The following STARD13 variants were observed in gnomAD, a reference collection of about 807,000 sequenced individuals.
STARD13 encodes StAR related lipid transfer domain containing 13.
In STARD13, 62 loss-of-function variants were observed where a neutral mutation model predicts 106.4. The ratio of observed to expected loss-of-function variants is 0.58; its 90% CI spans 0.48 to 0.72. The LOEUF is 0.72. STARD13 is among the 30% of genes least tolerant of loss of function. STARD13 has a pLI of 0.00. For synonymous variants in STARD13, 565 were observed against 553.0 expected, an observed-to-expected ratio of 1.02 and a Z score of -0.31; for missense variants, 1,387 against 1,424.0, an observed-to-expected ratio of 0.97 and a Z score of 0.42.
At chr13:33,284,810 A>C (rs950097897) in intron 1 of STARD13, among the ~76,000 whole-genome samples, 9 of 152,144 alleles carry the variant, frequency 5.9e-5, no homozygotes, top group Admixed American at 3.3e-4. Context: ...AATAAAAAGA[A>C]TATCAAGCAG....
the STARD13 span, among the ~76,000 whole-genome samples, chr13:33,610,149 A>T: frequency 6.6e-6 from 1 of 152,272 alleles, no homozygotes; most frequent in Non-Finnish European, 1.5e-5. Context: ...TATCATTTAC[A>T]TAAATTTAAA....
chr13:33,349,691 A>T (rs951498937), intron 1 of STARD13, among the ~76,000 whole-genome samples: 1 of 152,188 alleles, frequency 6.6e-6, no homozygotes, highest in African/African-American at 2.4e-5. Flanking sequence ...CCTCAAAGGG[A>T]GGAAAGCCTG....
At chr13:33,165,718 A>G (rs1425084058) in intron 2 of STARD13, among the ~76,000 whole-genome samples, 4 of 152,206 alleles carry the variant, frequency 2.6e-5, no homozygotes, top group African/African-American at 4.8e-5. Context: ...GGCCTCAGAG[A>G]AGAGCTTTTG....
At position 33,228,073 on chromosome 13, in the gene STARD13, G is replaced by A. The variant is rs531386891; in HGVS notation, c.169+57397C>T. 3.3e-5 allele frequency among the ~76,000 whole-genome samples: 5 copies of A among 152,324 alleles called. No homozygotes were observed. The South Asian group carries it at 8.3e-4, about 25-fold the overall frequency. ...AAGAACATTTGACTTGGATTTGTAA[G>A]GACATGAAGAATTTTGCCAGGTGGG... On this transcript the variant is annotated intron_variant, in intron 1 of 13. Coordinates refer to ENST00000336934, the MANE Select transcript of STARD13 (RefSeq NM_178006.4).
the STARD13 span, among the ~76,000 whole-genome samples, chr13:33,575,950 T>G: frequency 2.0e-5 from 3 of 152,156 alleles, no homozygotes; most frequent in African/African-American, 7.2e-5. Context: ...TTATATGTAA[T>G]GTATACAAGC....
chr13:33,267,383 A>G (rs1890947598), intron 1 of STARD13, among the ~76,000 whole-genome samples: 1 of 152,098 alleles, frequency 6.6e-6, no homozygotes, highest in South Asian at 2.1e-4. Context: ...AAACCTTAAA[A>G]CAACAACAAC....
intron 1 of STARD13, among the ~76,000 whole-genome samples, chr13:33,322,875 A>T (rs1425789650): frequency 1.3e-5 from 2 of 152,202 alleles, no homozygotes; most frequent in African/African-American, 2.4e-5. Context: ...GTCCCTGTGG[A>T]TGTTGAATTA....
chr13:33,338,681 G>A (rs150417944), intron 1 of STARD13, among the ~76,000 whole-genome samples: 1 of 151,962 alleles, frequency 6.6e-6, no homozygotes, highest in East Asian at 1.9e-4. Flanking sequence ...ATAGGAGATC[G>A]AGACCATCCT....
At chr13:33,222,858 G>A (rs947352515) in intron 1 of STARD13, among the ~76,000 whole-genome samples, 2 of 152,224 alleles carry the variant, frequency 1.3e-5, no homozygotes, top group East Asian at 3.8e-4. Flanking sequence ...GAGAACAGAA[G>A]AAACATGTCC....
chr13:33,137,579 C>G (rs896726853), intron 4 of STARD13, among the ~76,000 whole-genome samples: 1 of 152,102 alleles, frequency 6.6e-6, no homozygotes, highest in Admixed American at 6.5e-5. Context: ...ATATGGAAGG[C>G]CTTTCTAGTC....
At chr13:33,394,506 T>G in the STARD13 span, among the ~76,000 whole-genome samples, 1 of 152,198 alleles carries the variant, frequency 6.6e-6, no homozygotes, top group East Asian at 1.9e-4. Flanking sequence ...CATGAAATCA[T>G]GATCCTCTCT....
chr13:33,386,757 G>C, the STARD13 span, among the ~76,000 whole-genome samples: 7 of 151,964 alleles, frequency 4.6e-5, no homozygotes, highest in Non-Finnish European at 7.4e-5. Context: ...CAAGTTCTCT[G>C]GTTCTCTTGT....
At chr13:33,387,920 G>A in the STARD13 span, among the ~76,000 whole-genome samples, 2 of 152,162 alleles carry the variant, frequency 1.3e-5, no homozygotes, top group Non-Finnish European at 2.9e-5. Context: ...TAGACCACAG[G>A]GTCATTCTTG....
chr13:33,657,416 GATCCC>G, the STARD13 span: 1 of 152,240 alleles, frequency 6.6e-6, no homozygotes, highest in Non-Finnish European at 1.5e-5. Context: ...GAGTCAACAT[GATCCC>G]TGTCGTTACA....
chr13:33,317,297 C>A (rs1893378222), intron 1 of STARD13, among the ~76,000 whole-genome samples: 2 of 152,176 alleles, frequency 1.3e-5, no homozygotes, highest in South Asian at 4.1e-4. Context: ...GCTTCTCCAA[C>A]TCATTTAATA....
the STARD13 span, among the ~76,000 whole-genome samples, chr13:33,674,796 CT>C: frequency 2.0e-5 from 3 of 152,100 alleles, no homozygotes; most frequent in Non-Finnish European, 4.4e-5. Flanking sequence ...TGTTTCCCCC[CT>C]ATTATTCCTT....
the STARD13 span, among the ~76,000 whole-genome samples, chr13:33,594,146 C>G: frequency 6.6e-6 from 1 of 151,974 alleles, no homozygotes; most frequent in Non-Finnish European, 1.5e-5. Flanking sequence ...ATCTTGTGAT[C>G]CTCCTGCCTC....
At chr13:33,448,261 C>T in the STARD13 span, among the ~76,000 whole-genome samples, 2 of 151,970 alleles carry the variant, frequency 1.3e-5, no homozygotes, top group Non-Finnish European at 2.9e-5. Flanking sequence ...TCCTATTCTC[C>T]CTCCTCACTA....
At chr13:33,110,970 A>G (rs56317540) in intron 10 of STARD13, 63 bp from the exon 11 acceptor site, 137,878 of 1,458,238 alleles carry the variant, frequency 0.095, 7,678 homozygotes, top group Non-Finnish European at 0.11. Flanking sequence ...GACTCAAAGA[A>G]AGCAAAGCCA....
Sources: gnomAD v4.1 joint callset for allele counts (sites outside exome capture counted in the v4.1 genomes callset) on GRCh38, gnomAD v4.1.1 for gene constraint, MANE v1.5 for transcripts, NCBI Gene and HGNC (gene_info 2026-07-23, HGNC 2026-07-21) for gene names.